Variants in SLC9A9 observed in about 807,000 individuals in gnomAD.
SLC9A9 encodes sodium/hydrogen exchanger 9.
A neutral mutation model predicts 77.8 loss-of-function variants in SLC9A9; 62 were observed. The ratio of observed to expected loss-of-function variants is 0.80; its 90% CI spans 0.65 to 0.98. SLC9A9 has a LOEUF of 0.98. Among genes scored for constraint, SLC9A9 ranks in the 50% least tolerant of loss-of-function variants. The pLI is 0.00. For synonymous variants in SLC9A9, 320 were observed against 283.5 expected (o/e 1.13, Z -1.29); for missense variants, 775 against 774.9 (o/e 1.00, Z 0.00).
chr3:143,437,306 C>G (rs2034638302), intron 12 of SLC9A9, among the ~76,000 whole-genome samples: 1 of 152,260 alleles, frequency 6.6e-6, no homozygotes, highest in Admixed American at 6.5e-5. Context: ...GTCCCACATT[C>G]CTTCCTCTGT....
chr3:143,330,081 C>T (rs191540633), intron 14 of SLC9A9, among the ~76,000 whole-genome samples: 4 of 152,268 alleles, frequency 2.6e-5, no homozygotes, highest in East Asian at 1.9e-4. Context: ...GCTTAGACTC[C>T]TGGTGGAGGA....
intron 2 of SLC9A9, among the ~76,000 whole-genome samples, chr3:143,815,071 G>A (rs2008969384): frequency 6.6e-6 from 1 of 152,052 alleles, no homozygotes; most frequent in Admixed American, 6.6e-5. Flanking sequence ...GGCAGGAGAG[G>A]ACATCAGGAA....
intron 2 of SLC9A9, among the ~76,000 whole-genome samples, chr3:143,799,523 G>T (rs536881985): frequency 1.1e-4 from 16 of 152,310 alleles, no homozygotes; most frequent in Admixed American, 5.9e-4. Context: ...GCTGCCAGGG[G>T]TTCTTCCAGA....
chr3:143,605,283 C>T (rs2037902583), intron 6 of SLC9A9, among the ~76,000 whole-genome samples: 3 of 152,172 alleles, frequency 2.0e-5, no homozygotes, highest in South Asian at 4.1e-4. Flanking sequence ...CTAATGGTGA[C>T]TTCTTTGATG....
intron 14 of SLC9A9, among the ~76,000 whole-genome samples, chr3:143,301,685 G>A (rs1175260925): frequency 6.6e-6 from 1 of 152,140 alleles, no homozygotes; most frequent in African/African-American, 2.4e-5. Flanking sequence ...AAGTAGTATA[G>A]GGCACAGTCC....
At chr3:143,336,664 AAT>A (rs2031932649) in intron 14 of SLC9A9, among the ~76,000 whole-genome samples, 1 of 152,172 alleles carries the variant, frequency 6.6e-6, no homozygotes, top group South Asian at 2.1e-4. Context: ...AATACTGCAT[AAT>A]AACCACTTAT....
At chr3:143,744,773 A>G (rs193099828) in intron 4 of SLC9A9, among the ~76,000 whole-genome samples, 7 of 152,324 alleles carry the variant, frequency 4.6e-5, no homozygotes, top group African/African-American at 1.7e-4. Flanking sequence ...ATTAAGTCTA[A>G]TTAAGTGGAG....
intron 4 of SLC9A9, among the ~76,000 whole-genome samples, chr3:143,708,430 TG>T (rs1387312277): frequency 7.9e-5 from 12 of 152,194 alleles, no homozygotes; most frequent in Non-Finnish European, 1.3e-4. Context: ...ACCACCATCC[TG>T]GGATGTGTGA....
chr3:143,318,492 T>G (rs1416359306), intron 14 of SLC9A9, among the ~76,000 whole-genome samples: 2 of 152,236 alleles, frequency 1.3e-5, no homozygotes, highest in Non-Finnish European at 2.9e-5. Flanking sequence ...CAACACATCA[T>G]GTAGTTAAGC....
At chr3:143,276,773 G>A (rs944673133) in intron 14 of SLC9A9, among the ~76,000 whole-genome samples, 3 of 150,418 alleles carry the variant, frequency 2.0e-5, no homozygotes, top group African/African-American at 7.4e-5. Flanking sequence ...GTAGAGTTTT[G>A]TCTAAAAAAA....
chr3:143,831,303 G>C (rs934232914), intron 2 of SLC9A9, among the ~76,000 whole-genome samples: 1 of 152,078 alleles, frequency 6.6e-6, no homozygotes, highest in African/African-American at 2.4e-5. Flanking sequence ...ACTGATCCAG[G>C]GTTTACAAGG....
At chr3:143,813,664 C>A (rs919456292) in intron 2 of SLC9A9, among the ~76,000 whole-genome samples, 8 of 152,116 alleles carry the variant, frequency 5.3e-5, no homozygotes, top group Non-Finnish European at 1.2e-4. Context: ...GCCCGCAGAC[C>A]AAGCCCCATT....
At chr3:143,683,200 A>G (rs193209716) in intron 5 of SLC9A9, among the ~76,000 whole-genome samples, 2 of 152,296 alleles carry the variant, frequency 1.3e-5, no homozygotes, top group South Asian at 4.1e-4. Flanking sequence ...AGCTTAAACT[A>G]AAAGTGATTG....
chr3:143,592,983 A>G (rs536302240), intron 6 of SLC9A9, among the ~76,000 whole-genome samples: 2 of 152,350 alleles, frequency 1.3e-5, no homozygotes, highest in East Asian at 3.9e-4. Context: ...AATTTATGAA[A>G]TAAGTAACAC....
At chr3:143,613,198 G>A (rs2038048973) in intron 6 of SLC9A9, among the ~76,000 whole-genome samples, 1 of 152,210 alleles carries the variant, frequency 6.6e-6, no homozygotes, top group African/African-American at 2.4e-5. Context: ...TTAACTCAAA[G>A]AGGTCTGAGG....
chr3:143,768,903 C>G (rs559891751), intron 4 of SLC9A9, among the ~76,000 whole-genome samples: 159 of 152,208 alleles, frequency 1.0e-3, no homozygotes, highest in Middle Eastern at 6.8e-3. Flanking sequence ...ATATGAAGAG[C>G]AAAAATACAA....
At chr3:143,318,017 G>A (rs777215289) in intron 14 of SLC9A9, among the ~76,000 whole-genome samples, 10 of 152,156 alleles carry the variant, frequency 6.6e-5, no homozygotes, top group Non-Finnish European at 1.0e-4. Flanking sequence ...CTGAGCCACC[G>A]TGCCCGGCCT....
intron 6 of SLC9A9, among the ~76,000 whole-genome samples, chr3:143,631,019 C>T (rs1294532040): frequency 6.6e-6 from 1 of 152,056 alleles, no homozygotes; most frequent in Non-Finnish European, 1.5e-5. Context: ...GCAATCGGTC[C>T]CATGATTTCA....
chr3:143,517,920 C>T (rs113677298), intron 9 of SLC9A9: 53,770 of 1,499,394 alleles, frequency 0.036, 1,001 homozygotes, highest in African/African-American at 0.048. Context: ...GTTATCTCCG[C>T]ATTTTCATCT....
Sources: gnomAD v4.1 joint callset for allele counts (sites outside exome capture counted in the v4.1 genomes callset) on GRCh38, gnomAD v4.1.1 for gene constraint, MANE v1.5 for transcripts, NCBI Gene and HGNC (gene_info 2026-07-23, HGNC 2026-07-21) for gene names.